The following PSMA8 variants were observed in gnomAD, a reference collection of about 807,000 sequenced individuals.
PSMA8 encodes the protein proteasome 20S subunit alpha 8, also known as proteasome subunit alpha-type 8.
PSMA8 carries 18 observed loss-of-function variants against 32.4 expected under a neutral mutation model. That is an observed-to-expected ratio of 0.56 (90% confidence interval 0.38 to 0.82). PSMA8 has a LOEUF of 0.82. PSMA8 is among the 40% of genes least tolerant of loss of function. The probability of loss-of-function intolerance (pLI) is 0.00; values close to 1 mark genes in which losing one functional copy is unlikely to be tolerated. For synonymous variants in PSMA8, 104 were observed against 98.1 expected (o/e 1.06, Z -0.36); for missense variants, 298 against 300.7 (o/e 0.99, Z 0.07).
Position 26,179,276 on chromosome 18 carries a change from GTTTT to G in PSMA8, c.660+149_660+152del. 4 of 532,068 alleles carry G rather than the reference GTTTT, an allele frequency of 7.5e-6. No individual in the cohort carries two copies. In the South Asian group the frequency reaches 1.1e-4, roughly 15 times the overall value. The allele number at this position is 532,068 out of a possible 1,614,324, so 33.0% of individuals were successfully genotyped here. On this transcript the variant is annotated intron_variant, in intron 6 of 6. Coordinates refer to ENST00000415576, the MANE Select transcript of PSMA8 (RefSeq NM_001025096.2). ...TCCACTCATTTCTGACCGTCTACCGGTTTTTTGTTTGTTTTTTGTGTTTTTTTTT... is the reference window on the plus strand; with the variant it reads ...TCCACTCATTTCTGACCGTCTACCGGTTGTTTGTTTTTTGTGTTTTTTTTT...
chr18:26,149,327 C>T (rs916032806), intron 2 of PSMA8, among the ~76,000 whole-genome samples: 3 of 152,100 alleles, frequency 2.0e-5, no homozygotes, highest in Non-Finnish European at 4.4e-5. Context: ...AATGGAAAGA[C>T]ATCCCGCATT....
rs566427839 is a variant in PSMA8, at chr18:26,187,307, A to G, written c.661-5012A>G. On this transcript the variant is annotated intron_variant, in intron 6 of 6. Coordinates refer to ENST00000415576, the MANE Select transcript of PSMA8 (RefSeq NM_001025096.2). ...GGTCGTAGTGAGCTGAGATCATGCC[A>G]CTGCACTCCAGCCTGGGCGACAGAG... Among the ~76,000 whole-genome samples, 9 of 152,274 alleles carry G rather than the reference A, an allele frequency of 5.9e-5. No individual in the cohort carries two copies. In the South Asian group the frequency reaches 1.2e-3, roughly 21 times the overall value.
chr18:26,167,787 T>C (rs1385186305), intron 4 of PSMA8, among the ~76,000 whole-genome samples: 2 of 152,012 alleles, frequency 1.3e-5, no homozygotes, highest in African/African-American at 4.8e-5. Flanking sequence ...GCTTGGACTT[T>C]AGCCTCTAGA....
chr18:26,191,282 A>G (rs1390756019), intron 6 of PSMA8, among the ~76,000 whole-genome samples: 4 of 152,112 alleles, frequency 2.6e-5, no homozygotes, highest in Non-Finnish European at 5.9e-5. Context: ...CAGTATTAAG[A>G]TCATTATATT....
intron 4 of PSMA8, among the ~76,000 whole-genome samples, chr18:26,165,646 A>G (rs752186311): frequency 7.8e-4 from 119 of 151,648 alleles, no homozygotes; most frequent in Non-Finnish European, 1.4e-3. Flanking sequence ...TGTACTAGGT[A>G]CTCTTCTGGA....
Position 26,182,555 on chromosome 18 carries a change from T to C in PSMA8, c.660+3425T>C, listed in dbSNP as rs2055320167. Among the ~76,000 whole-genome samples, 2 of 152,228 alleles carry C rather than the reference T, an allele frequency of 1.3e-5. 1 individual carries two copies. Among genetic ancestry groups the C allele is most frequent in the South Asian group, 4.1e-4 (2 of 4,832 alleles). On this transcript the variant is annotated intron_variant, in intron 6 of 6. Coordinates refer to ENST00000415576, the MANE Select transcript of PSMA8 (RefSeq NM_001025096.2). ...TGTTACTGCTCATTCACAGTCCACC[T>C]AGTCACCCAGTAGCTCCGATGGACA... is the stretch of plus-strand genomic sequence containing the variant.
intron 1 of PSMA8, among the ~76,000 whole-genome samples, chr18:26,135,798 G>A (rs1237053844): frequency 6.6e-6 from 1 of 152,020 alleles, no homozygotes; most frequent in Admixed American, 6.5e-5. Flanking sequence ...TGTAATAAGC[G>A]GTAAAAGGGT....
chr18:26,135,023 G>C (rs969018720), intron 1 of PSMA8, among the ~76,000 whole-genome samples: 9 of 151,188 alleles, frequency 6.0e-5, no homozygotes, highest in Admixed American at 2.0e-4. Flanking sequence ...AAAAGTCCAA[G>C]AACTTCCACT....
At chr18:26,150,151 G>A (rs113169018) in intron 2 of PSMA8, among the ~76,000 whole-genome samples, 2,819 of 152,098 alleles carry the variant, frequency 0.019, 91 homozygotes, top group African/African-American at 0.064. Context: ...TAAGTATAAC[G>A]CAAATATTCC....
At chr18:26,136,759 C>T (rs1460131950) in intron 1 of PSMA8, among the ~76,000 whole-genome samples, 2 of 152,130 alleles carry the variant, frequency 1.3e-5, no homozygotes, top group Non-Finnish European at 2.9e-5. Context: ...CTCTGAGGAT[C>T]TAGATGGTAT....
chr18:26,170,925 A>G lies in PSMA8; in HGVS notation c.478-7905A>G, dbSNP rs979645020. The G allele has an allele frequency of 3.2e-5, 50 of 1,558,818 alleles. 6 individuals are homozygous for G. The highest frequency in any genetic ancestry group is 3.8e-5 in the Non-Finnish European group (45 of 1,169,748). ...TGGGTGATTCATGGCTTCCTTATAAACAGAACTGCCACCAACTATCCAGAC... is the reference window on the plus strand; with the variant it reads ...TGGGTGATTCATGGCTTCCTTATAAGCAGAACTGCCACCAACTATCCAGAC... On this transcript the variant is annotated intron_variant, in intron 4 of 6. Coordinates refer to ENST00000415576, the MANE Select transcript of PSMA8 (RefSeq NM_001025096.2).
In PSMA8 at chr18:26,141,790, G is replaced by T. The variant is rs990467733; in HGVS notation, c.103-2769G>T. 2.6e-4 allele frequency among the ~76,000 whole-genome samples: 37 copies of T among 144,516 alleles called. No homozygotes were observed. The Admixed American group carries it at 2.7e-3, about 10-fold the overall frequency. The allele number at this position is 144,516 out of a possible 152,430, so 94.8% of individuals were successfully genotyped here. ...CTGCCTTGAACTCCCAGGCTCAAGC[G>T]ATTCTCCCACCTCAGCCTCCTGAGT... On this transcript the variant is annotated intron_variant, in intron 1 of 6. Coordinates refer to ENST00000415576, the MANE Select transcript of PSMA8 (RefSeq NM_001025096.2).
chr18:26,144,501 C>T (rs1598643665), intron 1 of PSMA8, 58 bp from the exon 2 acceptor site: 2 of 1,421,012 alleles, frequency 1.4e-6, no homozygotes, highest in South Asian at 2.4e-5. Context: ...GTTAGAATAA[C>T]TTGGTTTTAT....
chr18:26,134,736 C>T (rs1415802047), intron 1 of PSMA8, among the ~76,000 whole-genome samples: 1 of 152,174 alleles, frequency 6.6e-6, no homozygotes, highest in African/African-American at 2.4e-5. Flanking sequence ...GGGCGGATCA[C>T]CTGAGGTCGG....
At chr18:26,171,401 AATG>A (rs2055219871) in intron 4 of PSMA8, 9 of 1,102,658 alleles carry the variant, frequency 8.2e-6, no homozygotes, top group Non-Finnish European at 1.1e-5. Context: ...TATAACGTGT[AATG>A]GGCTTATTTT....
chr18:26,182,645 G>A (rs189964340), intron 6 of PSMA8, among the ~76,000 whole-genome samples: 22 of 152,300 alleles, frequency 1.4e-4, no homozygotes, highest in Admixed American at 6.5e-4. Context: ...GCATCAAGGC[G>A]TAATTTTGAC....
intron 6 of PSMA8, among the ~76,000 whole-genome samples, chr18:26,182,225 C>T (rs2055317787): frequency 6.6e-6 from 1 of 152,184 alleles, no homozygotes; most frequent in African/African-American, 2.4e-5. Context: ...CTAGCTAAGA[C>T]ATTTATCTTC....
chr18:26,170,913 G>T, intron 4 of PSMA8: 1 of 1,559,206 alleles, frequency 6.4e-7, no homozygotes, highest in East Asian at 2.4e-5. Context: ...GTGATTCATG[G>T]CTTCCTTATA....
intron 6 of PSMA8, 74 bp from the exon 7 acceptor site, chr18:26,192,245 G>A (rs1014205724): frequency 1.8e-4 from 198 of 1,131,106 alleles, no homozygotes; most frequent in Non-Finnish European, 2.2e-4. Flanking sequence ...ATTAAATATT[G>A]GAATTCTTCA....
Sources: allele counts gnomAD v4.1 joint callset (sites outside exome capture counted in the v4.1 genomes callset), GRCh38; gene constraint gnomAD v4.1.1; transcripts MANE v1.5; gene names NCBI Gene and HGNC (gene_info 2026-07-23, HGNC 2026-07-21).